Variants in NRXN2 observed in about 807,000 individuals in gnomAD.
The protein encoded by NRXN2 is neurexin 2, also known as neurexin-2-beta.
A neutral mutation model predicts 128.8 loss-of-function variants in NRXN2; 29 were observed. The observed-to-expected ratio is 0.23, with a 90% CI of 0.17 to 0.31. NRXN2 has a LOEUF of 0.31. Ranked by LOEUF, NRXN2 falls within the 10% of genes least tolerant of loss-of-function variation. The probability of loss-of-function intolerance (pLI) is 1.00; values close to 1 mark genes in which losing one functional copy is unlikely to be tolerated. For synonymous variants in NRXN2, 1,098 were observed against 1,075.2 expected (o/e 1.02, Z -0.41); for missense variants, 1,881 against 2,452.6 (o/e 0.77, Z 4.92).
At chr11:64,637,626 C>T (rs1429628087) in intron 17 of NRXN2, among the ~76,000 whole-genome samples, 1 of 152,106 alleles carries the variant, frequency 6.6e-6, no homozygotes, top group Non-Finnish European at 1.5e-5. Flanking sequence ...ACACACATTC[C>T]TACCCTCACC....
At chr11:64,673,448 T>C (rs506338) in intron 7 of NRXN2, among the ~76,000 whole-genome samples, 78,559 of 152,056 alleles carry the variant, frequency 0.52, 23,762 homozygotes, top group Non-Finnish European at 0.7. Flanking sequence ...GGGGGATGCC[T>C]TGGGAATCAG....
chr11:64,613,673 T>A (rs1218852613), intron 22 of NRXN2, among the ~76,000 whole-genome samples: 3 of 152,196 alleles, frequency 2.0e-5, no homozygotes, highest in Non-Finnish European at 4.4e-5. Context: ...CCAGGTAGGG[T>A]GCACCTGAGT....
intron 7 of NRXN2, among the ~76,000 whole-genome samples, chr11:64,672,407 C>G (rs1200368115): frequency 1.3e-5 from 2 of 152,180 alleles, no homozygotes; most frequent in South Asian, 2.1e-4. Flanking sequence ...TCTTCTGGAG[C>G]CTTTATCAGT....
In NRXN2 at chr11:64,606,185, A is replaced by G. The variant is rs1278307852; in HGVS notation, c.*1011T>C. ...ACTGCACAGGACCGTTGGAATTTGGAAAGTTTTTGTTTTCTTTTTCCCACA... is the reference window on the plus strand; with the variant it reads ...ACTGCACAGGACCGTTGGAATTTGGGAAGTTTTTGTTTTCTTTTTCCCACA... On this transcript the variant is annotated 3_prime_UTR_variant, in exon 23 of 23. Transcript: ENST00000265459. The G allele has an allele frequency of 6.6e-6, 1 of 152,440 alleles. No homozygotes were observed. The highest frequency in any genetic ancestry group is 6.5e-5 in the Admixed American group (1 of 15,288). The allele number at this position is 152,440 out of a possible 1,614,324, so 9.4% of individuals were successfully genotyped here.
chr11:64,614,906 G>A (rs2041237570), intron 22 of NRXN2, among the ~76,000 whole-genome samples: 1 of 152,274 alleles, frequency 6.6e-6, no homozygotes, highest in Admixed American at 6.5e-5. Context: ...GCCCTAGCTG[G>A]TTGGGACTTT....
chr11:64,660,463 G>C lies in NRXN2; in HGVS notation c.2258C>G (p.Ala753Gly). ...IMLPNAMHTEAEDVSLRFMSQ... is the reference protein window; with the variant it reads ...IMLPNAMHTEGEDVSLRFMSQ... ...CATGAAACGCAGGGACACATCCTCT[G>C]CCTCCGTGTGCATGGCGTTAGGCAG... The change falls in exon 11 of 23, where the codon GCA (alanine) becomes GGA (glycine). Residue 753 changes from alanine to glycine, a missense_variant. Transcript: ENST00000265459. This position sits in a 1 kb window ranked among gnomAD's most constrained non-coding sequence, Gnocchi z 5.2. The C allele has an allele frequency of 6.2e-7, 1 of 1,614,210 alleles. No individual in the cohort carries two copies. The highest frequency in any genetic ancestry group is 2.2e-5 in the East Asian group (1 of 44,882).
intron 18 of NRXN2, among the ~76,000 whole-genome samples, chr11:64,633,355 C>T (rs952543846): frequency 1.3e-5 from 2 of 152,206 alleles, no homozygotes; most frequent in African/African-American, 4.8e-5. Flanking sequence ...TCCCTACGTT[C>T]TTCACATAAG....
intron 17 of NRXN2, chr11:64,643,001 G>A (rs1292779659): frequency 3.0e-6 from 3 of 1,009,180 alleles, no homozygotes; most frequent in East Asian, 2.1e-4. Context: ...GGTCCGCGGA[G>A]CGGCAACGCC....
At chr11:64,681,946 T>A (rs1345317677) in intron 6 of NRXN2, among the ~76,000 whole-genome samples, 1 of 152,120 alleles carries the variant, frequency 6.6e-6, no homozygotes, top group Non-Finnish European at 1.5e-5. Context: ...GGGGACTCCA[T>A]CCTTAGGGGA....
Position 64,607,157 on chromosome 11 carries a change from C to T in NRXN2, c.*39G>A. On this transcript the variant is annotated 3_prime_UTR_variant, in exon 23 of 23. Coordinates refer to ENST00000265459, the MANE Select transcript of NRXN2 (RefSeq NM_015080.4). ...GTGGCACCCTCCTCCCGGGCCCTCC[C>T]AGGAGGGGCAGCTGGCAGTGGGGCG... 6.2e-7 allele frequency: 1 copy of T among 1,600,982 alleles called. No individual in the cohort carries two copies. The highest frequency in any genetic ancestry group is 1.1e-5 in the South Asian group (1 of 90,220).
At chr11:64,683,117 T>C (rs2135557633) in intron 6 of NRXN2, among the ~76,000 whole-genome samples, 1 of 152,206 alleles carries the variant, frequency 6.6e-6, no homozygotes, top group Non-Finnish European at 1.5e-5. Flanking sequence ...TCTAATCAAA[T>C]GAGAAAAATA....
chr11:64,630,661 G>T lies in NRXN2; in HGVS notation c.3586-88C>A. On this transcript the variant is annotated intron_variant, in intron 18 of 22. Transcript: ENST00000265459. This position sits in a 1 kb window ranked among gnomAD's most constrained non-coding sequence, Gnocchi z 4.6. ...TACTCCTGTGACCACCACTAGCCCA[G>T]CTCCGCAGCACTTAAGGCACCTTTC... 6.8e-7 allele frequency: 1 copy of T among 1,474,370 alleles called. No homozygotes were observed. The allele number at this position is 1,474,370 out of a possible 1,614,324, so 91.3% of individuals were successfully genotyped here.
At chr11:64,659,126 T>C (rs1269169741) in intron 11 of NRXN2, among the ~76,000 whole-genome samples, 4 of 152,204 alleles carry the variant, frequency 2.6e-5, no homozygotes, top group Non-Finnish European at 5.9e-5. Context: ...ATACAACAAG[T>C]GACCCTGATG....
chr11:64,636,869 AC>A (rs1305845980), intron 17 of NRXN2, among the ~76,000 whole-genome samples: 1 of 151,854 alleles, frequency 6.6e-6, no homozygotes, highest in Non-Finnish European at 1.5e-5. Context: ...AGGGACTTGA[AC>A]CCCCTTGTAG....
chr11:64,688,546 G>C (rs1209430325), intron 5 of NRXN2: 2 of 985,182 alleles, frequency 2.0e-6, no homozygotes, highest in Non-Finnish European at 2.4e-6. Context: ...AACAAGATCT[G>C]GGCTGAACAA....
At chr11:64,643,365 G>T in intron 17 of NRXN2, 1 of 689,046 alleles carries the variant, frequency 1.5e-6, no homozygotes, top group South Asian at 6.6e-5. Flanking sequence ...CCGGGGGAGG[G>T]GGGGGCGGGA....
chr11:64,651,188 G>A lies in NRXN2; in HGVS notation c.2918+67C>T. ...GACACCTCGGCCAGTAGCCAGGAGA[G>A]CTGTATGTGGTTCAGCAGGGGGAGG... On this transcript the variant is annotated intron_variant, in intron 14 of 22. Transcript: ENST00000265459. The surrounding 1 kb of genome is among the most constrained non-coding windows in gnomAD (Gnocchi z 5.9). The A allele has an allele frequency of 6.2e-7, 1 of 1,602,930 alleles. No homozygotes were observed. The highest frequency in any genetic ancestry group is 1.1e-5 in the South Asian group (1 of 90,318).
chr11:64,674,979 T>C (rs766398008), intron 7 of NRXN2, among the ~76,000 whole-genome samples: 1 of 152,232 alleles, frequency 6.6e-6, no homozygotes, highest in African/African-American at 2.4e-5. Flanking sequence ...TTTAACCAAA[T>C]TGAGGCTAGA....
intron 5 of NRXN2, among the ~76,000 whole-genome samples, chr11:64,689,243 ATT>A (rs36122114): frequency 8.3e-5 from 12 of 144,858 alleles, no homozygotes; most frequent in South Asian, 2.2e-4. Context: ...TTTCTCAATG[ATT>A]TTTTTTTTTT....
Sources: allele counts gnomAD v4.1 joint callset (sites outside exome capture counted in the v4.1 genomes callset), GRCh38; gene constraint gnomAD v4.1.1; non-coding constraint Gnocchi (gnomAD v3.1); transcripts MANE v1.5; gene names NCBI Gene and HGNC (gene_info 2026-07-23, HGNC 2026-07-21).